Variants in UTRN observed in about 807,000 individuals in gnomAD.
The protein encoded by UTRN is utrophin.
UTRN carries 283 observed loss-of-function variants against 463.9 expected under a neutral mutation model. The observed-to-expected ratio is 0.61, with a 90% confidence interval of 0.55 to 0.67. UTRN has a LOEUF of 0.67. Among genes scored for constraint, UTRN ranks in the 30% least tolerant of loss-of-function variants. UTRN has a pLI of 0.00. For synonymous variants in UTRN, 1,442 were observed against 1,431.5 expected (o/e 1.01, Z -0.17); for missense variants, 3,922 against 4,084.3 (o/e 0.96, Z 1.08).
chr6:144,421,205 C>G (rs889528590), intron 3 of UTRN, among the ~76,000 whole-genome samples: 8 of 152,090 alleles, frequency 5.3e-5, no homozygotes, highest in African/African-American at 1.9e-4. Context: ...TGAGGTTTCA[C>G]CATATTGGCC....
intron 2 of UTRN, among the ~76,000 whole-genome samples, chr6:144,322,983 T>A (rs1352836182): frequency 1.3e-5 from 2 of 150,984 alleles, no homozygotes; most frequent in African/African-American, 4.9e-5. Context: ...CCATTGGAAG[T>A]CACTGTCTTA....
Position 144,337,361 on chromosome 6 carries a change from C to T in UTRN, c.79+45454C>T, listed in dbSNP as rs140827407. Among the ~76,000 whole-genome samples, 225 of 152,290 alleles carry T rather than the reference C, an allele frequency of 1.5e-3. 4 individuals are homozygous for T. In the Middle Eastern group the frequency reaches 0.017, roughly 12 times the overall value. ...CCTCTCTTTACCTCCTCATTAAGGGCTTTGGTGCGATTATTGTCTCCCTTT... is the reference window on the plus strand; with the variant it reads ...CCTCTCTTTACCTCCTCATTAAGGGTTTTGGTGCGATTATTGTCTCCCTTT... On this transcript the variant is annotated intron_variant, in intron 2 of 74. Coordinates refer to ENST00000367545, the MANE Select transcript of UTRN (RefSeq NM_007124.3).
At chr6:144,686,452 C>T (rs1014703042) in intron 52 of UTRN, among the ~76,000 whole-genome samples, 1 of 152,108 alleles carries the variant, frequency 6.6e-6, no homozygotes, top group South Asian at 2.1e-4. Context: ...GGTTAACTTT[C>T]TGCCTCAGTG....
chr6:144,295,021 T>C (rs1182445594), intron 2 of UTRN, among the ~76,000 whole-genome samples: 1 of 152,248 alleles, frequency 6.6e-6, no homozygotes, highest in East Asian at 1.9e-4. Flanking sequence ...TGTCTTTCTC[T>C]AACTTAAAAG....
intron 2 of UTRN, among the ~76,000 whole-genome samples, chr6:144,356,706 G>A (rs1007138427): frequency 3.3e-5 from 5 of 152,078 alleles, no homozygotes; most frequent in Admixed American, 6.6e-5. Context: ...CCAGCTACTT[G>A]GGAGGCTGAG....
Position 144,852,165 on chromosome 6 carries a change from A to G in UTRN, c.*1168A>G, listed in dbSNP as rs1020990759. The stretch of plus-strand genomic sequence containing the variant: ...TGTTTTTATACCCTTCACTTGATCA[A>G]TATATTTGGAAAGAATGTTTATCAA... On this transcript the variant is annotated 3_prime_UTR_variant, in exon 75 of 75. Transcript: ENST00000367545. 1 of 152,142 alleles carries G rather than the reference A, an allele frequency of 6.6e-6. No homozygotes were observed. The highest frequency in any genetic ancestry group is 2.1e-4 in the South Asian group (1 of 4,826). 9.4% of individuals were successfully genotyped at this position (152,142 alleles called of 1,614,324 possible). A position where few individuals can be genotyped will look rare whatever the true frequency, so the allele number is the denominator to read the frequency against.
intron 2 of UTRN, among the ~76,000 whole-genome samples, chr6:144,349,839 C>T (rs557764144): frequency 6.6e-6 from 1 of 152,238 alleles, no homozygotes; most frequent in South Asian, 2.1e-4. Context: ...GGTTGGAGGG[C>T]CATTCAGGGG....
intron 34 of UTRN, among the ~76,000 whole-genome samples, chr6:144,505,757 T>A (rs908293262): frequency 1.3e-5 from 2 of 152,234 alleles, no homozygotes; most frequent in Non-Finnish European, 2.9e-5. Flanking sequence ...GTTCTGTATA[T>A]GTCTACTAGG....
At chr6:144,336,880 G>A (rs1446980735) in intron 2 of UTRN, among the ~76,000 whole-genome samples, 1 of 152,066 alleles carries the variant, frequency 6.6e-6, no homozygotes, top group Non-Finnish European at 1.5e-5. Context: ...AAGCTGGAAG[G>A]GCCATCCCAG....
chr6:144,502,106 AT>A (rs61605118), intron 34 of UTRN, among the ~76,000 whole-genome samples: 7,186 of 144,136 alleles, frequency 0.05, 442 homozygotes, highest in African/African-American at 0.15. Flanking sequence ...TTTAAGTTTT[AT>A]TTTTTTTTTG....
intron 51 of UTRN, among the ~76,000 whole-genome samples, chr6:144,614,449 T>C (rs1415251209): frequency 6.6e-6 from 1 of 152,086 alleles, no homozygotes; most frequent in Non-Finnish European, 1.5e-5. Context: ...AACCGCTAGG[T>C]TAAATACATC....
At chr6:144,611,741 G>C (rs537659863) in intron 51 of UTRN, among the ~76,000 whole-genome samples, 5 of 152,102 alleles carry the variant, frequency 3.3e-5, no homozygotes, top group Non-Finnish European at 7.4e-5. Context: ...CTGTGTTAAT[G>C]GATTAGAAGA....
chr6:144,396,655 A>G (rs1212409122), intron 2 of UTRN, among the ~76,000 whole-genome samples: 1 of 152,208 alleles, frequency 6.6e-6, no homozygotes, highest in Non-Finnish European at 1.5e-5. Flanking sequence ...GGTGAGTTCT[A>G]TGGTAGGTGT....
chr6:144,514,981 A>G (rs1401553288), intron 37 of UTRN, among the ~76,000 whole-genome samples, 161 bp downstream of exon 37: 1 of 152,158 alleles, frequency 6.6e-6, no homozygotes, highest in Non-Finnish European at 1.5e-5. Context: ...AGCTCACTGC[A>G]ACCTCCGCCT....
Position 144,397,468 on chromosome 6 carries a change from A to G in UTRN, c.80-5655A>G, listed in dbSNP as rs574723227. 1.4e-3 allele frequency among the ~76,000 whole-genome samples: 210 copies of G among 152,202 alleles called. 1 individual carries two copies. Among genetic ancestry groups the G allele is most frequent in the African/African-American group, 4.7e-3 (197 of 41,526 alleles). ...TTACAAGAACATTTTTAAAGCATAT[A>G]TTTTAACTCCATACCCTTCTTCTCT... On this transcript the variant is annotated intron_variant, in intron 2 of 74. Transcript: ENST00000367545.
chr6:144,318,452 G>A (rs1361203166), intron 2 of UTRN, among the ~76,000 whole-genome samples: 2 of 151,708 alleles, frequency 1.3e-5, no homozygotes, highest in African/African-American at 4.8e-5. Flanking sequence ...CTACCACTAC[G>A]CCTGGCTAAT....
rs1786835195 is a variant in UTRN, at chr6:144,438,752, G to A, written c.1249G>A (p.Asp417Asn). 8 of 1,614,054 alleles carry A rather than the reference G, an allele frequency of 5.0e-6. No homozygotes were observed. In the East Asian group the frequency reaches 1.1e-4, roughly 22 times the overall value. The change falls in exon 12 of 75, where the codon GAT (aspartate) becomes AAT (asparagine). Residue 417 changes from aspartate to asparagine, a missense_variant. Asp to Asn is a conservative substitution (Grantham distance 23). Coordinates refer to ENST00000367545, the MANE Select transcript of UTRN (RefSeq NM_007124.3). ...TGTGTTCCCCACGGACAGGCTGCAC[G>A]ATGTGCTGATGGAACTGCAGAAGAA... is the stretch of plus-strand genomic sequence containing the variant. ...ESMDRQSRLH[D>N]VLMELQKKQL...
intron 23 of UTRN, among the ~76,000 whole-genome samples, chr6:144,470,176 T>G (rs28719517): frequency 7.2e-5 from 11 of 152,180 alleles, no homozygotes; most frequent in African/African-American, 2.7e-4. Context: ...TCCACAAAAC[T>G]GCCATCGTCA....
intron 7 of UTRN, 120 bp downstream of exon 7, chr6:144,426,579 A>G (rs915793464): frequency 1.8e-5 from 18 of 1,008,348 alleles, no homozygotes; most frequent in African/African-American, 3.3e-5. Flanking sequence ...CTTTCTGCAC[A>G]TGTTCTACCA....
Sources: allele counts gnomAD v4.1 joint callset (sites outside exome capture counted in the v4.1 genomes callset), GRCh38; gene constraint gnomAD v4.1.1; transcripts MANE v1.5; gene names NCBI Gene and HGNC (gene_info 2026-07-23, HGNC 2026-07-21).